The following TTC7B variants were observed in gnomAD, a reference collection of about 807,000 sequenced individuals.
The protein encoded by TTC7B is tetratricopeptide repeat protein 7B.
A neutral mutation model predicts 106.8 loss-of-function variants in TTC7B; 28 were observed. The ratio of observed to expected loss-of-function variants is 0.26; its 90% CI spans 0.19 to 0.36. The LOEUF is 0.36. Ranked by LOEUF, TTC7B falls within the 10% of genes least tolerant of loss-of-function variation. The pLI is 1.00. For missense variants in TTC7B, 862 were observed against 1,076.4 expected (o/e 0.80, Z 2.79); for synonymous variants, 405 against 430.6 (o/e 0.94, Z 0.74).
chr14:90,587,499 C>T (rs1173520860), intron 18 of TTC7B, among the ~76,000 whole-genome samples: 1 of 152,172 alleles, frequency 6.6e-6, no homozygotes, highest in South Asian at 2.1e-4. Flanking sequence ...ATGCCTCCAT[C>T]GTCCCTGACC....
chr14:90,567,410 G>A (rs1890843950), intron 19 of TTC7B: 1 of 152,244 alleles, frequency 6.6e-6, no homozygotes, highest in Non-Finnish European at 1.5e-5. Flanking sequence ...CTAGTGGAGA[G>A]CGAAAGAGAA....
In TTC7B at chr14:90,594,234, A is replaced by G. The variant is rs1434170910; in HGVS notation, c.1967-608T>C. Among the ~76,000 whole-genome samples the G allele has an allele frequency of 2.0e-5, 3 of 152,224 alleles. No homozygotes were observed. The East Asian group carries it at 5.8e-4, about 29-fold the overall frequency. ...AGATGTCTATCCTTAAGGCTAGACT[A>G]GCAGGGGATGGGATGGAATGGGTTT... On this transcript the variant is annotated intron_variant, in intron 17 of 19. Coordinates refer to ENST00000328459, the MANE Select transcript of TTC7B (RefSeq NM_001010854.2).
At chr14:90,654,723 C>T (rs531730424) in intron 12 of TTC7B, among the ~76,000 whole-genome samples, 6 of 152,278 alleles carry the variant, frequency 3.9e-5, no homozygotes, top group Admixed American at 1.3e-4. Context: ...TCCCTCAAAG[C>T]GCAGTGAGGT....
intron 1 of TTC7B, among the ~76,000 whole-genome samples, chr14:90,796,771 C>T (rs1455934181): frequency 2.6e-5 from 4 of 152,094 alleles, no homozygotes; most frequent in African/African-American, 7.2e-5. Context: ...AGAAACACAC[C>T]GCTATTCAGG....
intron 5 of TTC7B, chr14:90,699,154 G>A (rs984262574): frequency 4.4e-6 from 2 of 455,728 alleles, no homozygotes; most frequent in East Asian, 7.0e-5. Context: ...CAAGCTTACC[G>A]CACCTGGTTT....
chr14:90,607,133 T>C (rs1170972428), intron 17 of TTC7B, among the ~76,000 whole-genome samples: 10 of 152,192 alleles, frequency 6.6e-5, no homozygotes, highest in Non-Finnish European at 1.5e-4. Context: ...GTATCTCTGT[T>C]CTGGCATTTT....
intron 1 of TTC7B, among the ~76,000 whole-genome samples, chr14:90,792,831 A>G (rs1160302856): frequency 6.6e-6 from 1 of 152,146 alleles, no homozygotes; most frequent in Non-Finnish European, 1.5e-5. Context: ...GGGGAAAAGA[A>G]TTGCAGACAG....
intron 1 of TTC7B, among the ~76,000 whole-genome samples, chr14:90,798,455 C>T (rs1178977899): frequency 6.6e-6 from 1 of 151,990 alleles, no homozygotes; most frequent in Non-Finnish European, 1.5e-5. Context: ...AACAATAGGC[C>T]GGACTAGGTG....
chr14:90,622,051 C>G (rs1884227676), intron 15 of TTC7B, among the ~76,000 whole-genome samples: 1 of 151,342 alleles, frequency 6.6e-6, no homozygotes, highest in African/African-American at 2.4e-5. Context: ...ACTGTCAACA[C>G]GATGAAGAGG....
rs1210735036 is a variant in TTC7B at position 90,759,454 on chromosome 14, A to G, written c.446-14532T>C. 1.3e-5 allele frequency among the ~76,000 whole-genome samples: 2 copies of G among 152,158 alleles called. No homozygotes were observed. Among genetic ancestry groups the G allele is most frequent in the Admixed American group, 6.5e-5 (1 of 15,286 alleles). ...TAGCTTTGTAGCAGTCTAGGCCCCA[A>G]AGAGATCCTAGAAGTAAGCACCCAA... is the stretch of plus-strand genomic sequence containing the variant. On this transcript the variant is annotated intron_variant, in intron 3 of 19. Coordinates refer to ENST00000328459, the MANE Select transcript of TTC7B (RefSeq NM_001010854.2). This position sits in a 1 kb window ranked among gnomAD's most constrained non-coding sequence, Gnocchi z 4.1.
chr14:90,791,162 T>G (rs565205942), intron 1 of TTC7B, among the ~76,000 whole-genome samples: 1 of 152,192 alleles, frequency 6.6e-6, no homozygotes, highest in South Asian at 2.1e-4. Flanking sequence ...GAGGACACCA[T>G]TCACCGCTAC....
chr14:90,631,928 T>G lies in TTC7B; in HGVS notation c.1751+12120A>C, dbSNP rs80054949. Among the ~76,000 whole-genome samples the G allele has an allele frequency of 6.6e-3, 1,006 of 152,316 alleles. 4 individuals carry two copies. Among genetic ancestry groups the G allele is most frequent in the Non-Finnish European group, 1.0e-2 (678 of 68,028 alleles). On this transcript the variant is annotated intron_variant, in intron 15 of 19. Transcript: ENST00000328459. Reference sequence around the variant, plus strand: ...TTTGTATATCTTCTTTGGAGAAACATCTATGCAACTCCTTTCCTTTGCCCA... The same window carrying G: ...TTTGTATATCTTCTTTGGAGAAACAGCTATGCAACTCCTTTCCTTTGCCCA...
rs1036534161 is a variant in TTC7B at position 90,527,998 on chromosome 14, G to A, written c.*13370C>T. On this transcript the variant is annotated 3_prime_UTR_variant, in exon 20 of 20. Transcript: ENST00000328459. The stretch of plus-strand genomic sequence containing the variant: ...GAAGGATGTCTTGATCCAGAGTAAA[G>A]GCTCCATAGGCATTTATTGGTTGAC... The A allele has an allele frequency of 6.6e-6, 1 of 152,054 alleles. No homozygotes were observed. Among genetic ancestry groups the A allele is most frequent in the Admixed American group, 6.5e-5 (1 of 15,272 alleles). The allele number at this position is 152,054 out of a possible 1,614,324, so 9.4% of individuals were successfully genotyped here.
chr14:90,708,428 C>T lies in TTC7B; in HGVS notation c.699-12850G>A, dbSNP rs548630088. On this transcript the variant is annotated intron_variant, in intron 5 of 19. Coordinates refer to ENST00000328459, the MANE Select transcript of TTC7B (RefSeq NM_001010854.2). The stretch of plus-strand genomic sequence containing the variant: ...TGGTGACTTTGAGTTGAAACCAATG[C>T]TCATTTACCATTTTGAAAATCCTAG... Among the ~76,000 whole-genome samples, 322 of 152,284 alleles carry T rather than the reference C, an allele frequency of 2.1e-3. 2 individuals are homozygous for T. The highest frequency in any genetic ancestry group is 2.6e-3 in the Non-Finnish European group (174 of 68,038).
chr14:90,591,590 G>C (rs545724097), intron 18 of TTC7B, among the ~76,000 whole-genome samples: 1 of 152,168 alleles, frequency 6.6e-6, no homozygotes, highest in Non-Finnish European at 1.5e-5. Flanking sequence ...TCGAGGTCAG[G>C]GGGGCTAGTT....
At chr14:90,609,918 T>G (rs935245985) in intron 17 of TTC7B, among the ~76,000 whole-genome samples, 22 of 152,148 alleles carry the variant, frequency 1.4e-4, no homozygotes, top group Non-Finnish European at 3.2e-4. Flanking sequence ...AGTGGAAAAT[T>G]CCACACCTGA....
chr14:90,633,049 G>C (rs1172658531), intron 15 of TTC7B, among the ~76,000 whole-genome samples: 1 of 152,174 alleles, frequency 6.6e-6, no homozygotes, highest in Non-Finnish European at 1.5e-5. Context: ...TAAGAGCTGA[G>C]GCCACGGACA....
At chr14:90,640,285 A>AAAG (rs201074077) in intron 15 of TTC7B, among the ~76,000 whole-genome samples, 14 of 151,954 alleles carry the variant, frequency 9.2e-5, no homozygotes, top group Admixed American at 9.2e-4. Context: ...ACAAAAAAAA[A>AAAG]AGAGAGAGAG....
At chr14:90,733,734 A>G (rs542000182) in intron 4 of TTC7B, among the ~76,000 whole-genome samples, 7 of 152,292 alleles carry the variant, frequency 4.6e-5, no homozygotes, top group Admixed American at 2.0e-4. Context: ...TTTTAGTCAA[A>G]AGACCGAGGC....
Sources: allele counts gnomAD v4.1 joint callset (sites outside exome capture counted in the v4.1 genomes callset), GRCh38; gene constraint gnomAD v4.1.1; non-coding constraint Gnocchi (gnomAD v3.1); transcripts MANE v1.5; gene names NCBI Gene and HGNC (gene_info 2026-07-23, HGNC 2026-07-21).